SLCO5A1: variants seen among roughly 807,000 people sequenced by gnomAD.
SLCO5A1 encodes the protein organic anion transporter polypeptide-related protein 4.
SLCO5A1 carries 39 observed loss-of-function variants against 65.1 expected under a neutral mutation model. That is an observed-to-expected ratio of 0.60 (90% CI 0.46 to 0.78). The LOEUF (loss-of-function observed/expected upper bound fraction) is 0.78. SLCO5A1 is among the 30% of genes least tolerant of loss of function. The pLI is 0.00. For synonymous variants in SLCO5A1, 438 were observed against 415.7 expected, an observed-to-expected ratio of 1.05 and a Z score of -0.65; for missense variants, 1,029 against 1,069.4, an observed-to-expected ratio of 0.96 and a Z score of 0.53.
chr8:69,685,729 T>C (rs1813974511), intron 6 of SLCO5A1, among the ~76,000 whole-genome samples: 1 of 151,998 alleles, frequency 6.6e-6, no homozygotes, highest in Admixed American at 6.6e-5. Flanking sequence ...TGGGAAACTA[T>C]AAGAGGTATC....
At chr8:69,752,629 G>T (rs10097419) in intron 4 of SLCO5A1, among the ~76,000 whole-genome samples, 86,921 of 151,920 alleles carry the variant, frequency 0.57, 25,223 homozygotes, top group East Asian at 0.71. Flanking sequence ...ATCATCAATG[G>T]CATTTTTAGC....
intron 2 of SLCO5A1, among the ~76,000 whole-genome samples, chr8:69,766,396 C>A (rs1818058600): frequency 6.6e-6 from 1 of 152,216 alleles, no homozygotes; most frequent in Admixed American, 6.5e-5. Context: ...CTTCATCTCT[C>A]ATCACTCCCT....
rs572142887 is a variant in SLCO5A1, at chr8:69,672,643, A to C, written c.*226T>G. The C allele has an allele frequency of 5.3e-6, 3 of 561,986 alleles. No homozygotes were observed. In the East Asian group the frequency reaches 8.8e-5, roughly 16 times the overall value. The allele number at this position is 561,986 out of a possible 1,614,324, so 34.8% of individuals were successfully genotyped here. ...AATTAACACAACGGAAATGGGAACA[A>C]ATCTAGCTGAACGTCTCCTTCTTGG... On this transcript the variant is annotated 3_prime_UTR_variant, in exon 10 of 10. Transcript: ENST00000260126.
intron 2 of SLCO5A1, among the ~76,000 whole-genome samples, chr8:69,804,507 G>GTAATTTTTATATTTTATATTTTTA (rs1189669180): frequency 1.5e-4 from 23 of 151,942 alleles, no homozygotes; most frequent in Non-Finnish European, 3.1e-4. Context: ...GTAGAGGCGG[G>GTAATTTTTATATTTTATATTTTTA]GTTTCACCAT....
intron 7 of SLCO5A1, 32 bp from the exon 8 acceptor site, chr8:69,679,651 C>A (rs963478217): frequency 6.2e-7 from 1 of 1,605,370 alleles, no homozygotes; most frequent in Non-Finnish European, 8.5e-7. Context: ...GAGTTGTGTG[C>A]CCCTCAAAAG....
At chr8:69,688,951 C>G (rs935783496) in intron 6 of SLCO5A1, among the ~76,000 whole-genome samples, 93 of 152,012 alleles carry the variant, frequency 6.1e-4, no homozygotes, top group African/African-American at 2.2e-3. Flanking sequence ...TACAGTCCCA[C>G]CAACAGTGTA....
chr8:69,727,999 A>T (rs1381495378), intron 5 of SLCO5A1, among the ~76,000 whole-genome samples: 2 of 152,320 alleles, frequency 1.3e-5, no homozygotes, highest in South Asian at 4.1e-4. Context: ...GAAGTGACTT[A>T]TACCTATCAC....
chr8:69,765,735 TAA>T (rs1471005092), intron 2 of SLCO5A1, among the ~76,000 whole-genome samples: 1 of 152,160 alleles, frequency 6.6e-6, no homozygotes, highest in Non-Finnish European at 1.5e-5. Context: ...CTGTAAGATC[TAA>T]AGCCTGTACT....
At chr8:69,765,444 C>T (rs1818021674) in intron 2 of SLCO5A1, among the ~76,000 whole-genome samples, 1 of 150,980 alleles carries the variant, frequency 6.6e-6, no homozygotes, top group East Asian at 1.9e-4. Context: ...ATATATAATT[C>T]TTGACCTGGT....
At chr8:69,725,392 A>C (rs1234781299) in intron 5 of SLCO5A1, among the ~76,000 whole-genome samples, 1 of 152,180 alleles carries the variant, frequency 6.6e-6, no homozygotes, top group Non-Finnish European at 1.5e-5. Context: ...AAGTACCCCC[A>C]GAAAGGCAAA....
intron 5 of SLCO5A1, among the ~76,000 whole-genome samples, chr8:69,724,000 T>C (rs1014286581): frequency 6.6e-6 from 1 of 152,202 alleles, no homozygotes; most frequent in African/African-American, 2.4e-5. Context: ...CTCGAACTCC[T>C]GACTTCAGGT....
chr8:69,712,039 A>G (rs1815292454), intron 5 of SLCO5A1, among the ~76,000 whole-genome samples: 1 of 152,218 alleles, frequency 6.6e-6, no homozygotes, highest in Admixed American at 6.5e-5. Context: ...CTTTAAATAT[A>G]CAAACCTTTG....
Position 69,673,071 on chromosome 8 carries a change from T to C in SLCO5A1, c.2345A>G (p.Glu782Gly), listed in dbSNP as rs201881354. The change falls in exon 10 of 10, where the codon GAG becomes GGG. Residue 782 changes from glutamate to glycine, a missense_variant. By Grantham distance (98) the Glu-to-Gly change is moderately conservative. This residue lies in a region of SLCO5A1 where 258 missense variants were observed against 237.4 expected (regional missense o/e 1.09). Coordinates refer to ENST00000260126, the MANE Select transcript of SLCO5A1 (RefSeq NM_030958.3). ...QREFPLSTVS[E>G]RVGHPDNART... Reference sequence around the variant, plus strand: ...GGCATTGTCGGGGTGTCCCACTCTCTCACTCACGGTGCTCAGGGGAAATTC... The same window carrying C: ...GGCATTGTCGGGGTGTCCCACTCTCCCACTCACGGTGCTCAGGGGAAATTC... 1 of 1,614,138 alleles carries C rather than the reference T, an allele frequency of 6.2e-7. No homozygotes were observed. The highest frequency in any genetic ancestry group is 8.5e-7 in the Non-Finnish European group (1 of 1,180,032).
At chr8:69,731,971 G>T (rs1483282469) in intron 5 of SLCO5A1, among the ~76,000 whole-genome samples, 1 of 152,176 alleles carries the variant, frequency 6.6e-6, no homozygotes, top group Admixed American at 6.5e-5. Flanking sequence ...AGAAAAATCT[G>T]TGTATACATT....
chr8:69,668,106 T>G lies in SLCO5A1; in HGVS notation c.*4763A>C, dbSNP rs1586662215. 1.3e-5 allele frequency: 2 copies of G among 152,318 alleles called. No individual in the cohort carries two copies. The highest frequency in any genetic ancestry group is 3.9e-4 in the East Asian group (2 of 5,188). The allele number at this position is 152,318 out of a possible 1,614,324, so 9.4% of individuals were successfully genotyped here. On this transcript the variant is annotated 3_prime_UTR_variant, in exon 10 of 10. Transcript: ENST00000260126. ...GGGTTTTTTGTTTTCTGTTTTTTGTTGTTGTTGTTGTATTTGACCCTTCCT... is the reference window on the plus strand; with the variant it reads ...GGGTTTTTTGTTTTCTGTTTTTTGTGGTTGTTGTTGTATTTGACCCTTCCT...
At chr8:69,828,102 G>C (rs998294595) in intron 2 of SLCO5A1, among the ~76,000 whole-genome samples, 3 of 151,894 alleles carry the variant, frequency 2.0e-5, no homozygotes, top group Non-Finnish European at 4.4e-5. Flanking sequence ...TGTAACATAG[G>C]GAAAATAATC....
chr8:69,689,681 C>G (rs1475573728), intron 6 of SLCO5A1, among the ~76,000 whole-genome samples: 3 of 145,392 alleles, frequency 2.1e-5, no homozygotes, highest in Non-Finnish European at 4.5e-5. Context: ...GGGCTCTGTT[C>G]TGTTCCATTG....
At chr8:69,713,544 G>A (rs966333553) in intron 5 of SLCO5A1, 1 of 152,112 alleles carries the variant, frequency 6.6e-6, no homozygotes, top group Non-Finnish European at 1.5e-5. Flanking sequence ...TTGATTACAT[G>A]CCAGGTACTG....
At chr8:69,693,433 T>A (rs945569217) in intron 6 of SLCO5A1, among the ~76,000 whole-genome samples, 1 of 152,226 alleles carries the variant, frequency 6.6e-6, no homozygotes, top group African/African-American at 2.4e-5. Flanking sequence ...CATTAAGTCT[T>A]TTCACCATGC....
Sources: gnomAD v4.1 joint callset for allele counts (sites outside exome capture counted in the v4.1 genomes callset) on GRCh38, gnomAD v4.1.1 for gene constraint, gnomAD v4.1.1 regional missense constraint, MANE v1.5 for transcripts, NCBI Gene and HGNC (gene_info 2026-07-23, HGNC 2026-07-21) for gene names.